The following NUFIP2 variants were observed in gnomAD, a reference collection of about 807,000 sequenced individuals.
NUFIP2 encodes the protein nuclear FMR1 interacting protein 2.
In NUFIP2, 6 loss-of-function variants were observed where a neutral mutation model predicts 56.9. That is an observed-to-expected ratio of 0.11 (90% CI 0.06 to 0.21). NUFIP2 has a LOEUF of 0.21. Among genes scored for constraint, NUFIP2 ranks in the 10% least tolerant of loss-of-function variants. NUFIP2 has a pLI of 1.00. For synonymous variants in NUFIP2, 321 were observed against 298.2 expected, an observed-to-expected ratio of 1.08 and a Z score of -0.79; for missense variants, 828 against 826.8, an observed-to-expected ratio of 1.00 and a Z score of -0.02.
chr17:29,270,324 GA>G lies in NUFIP2; in HGVS notation c.2003-2795del, dbSNP rs386385865. 5.4e-3 allele frequency among the ~76,000 whole-genome samples: 439 copies of G among 81,382 alleles called. 1 individual carries two copies. The highest frequency in any genetic ancestry group is 0.029 in the Middle Eastern group (4 of 138). The allele number at this position is 81,382 out of a possible 152,430, so 53.4% of individuals were successfully genotyped here. A position where few individuals can be genotyped will look rare whatever the true frequency, so the allele number is the denominator to read the frequency against. On this transcript the variant is annotated intron_variant, in intron 2 of 3. Transcript: ENST00000225388. ...AGAACTATAATCAATCTAACCTGGA[GA>G]AAAAAAAAAAAAAAAAGATGACGAT...
Position 29,259,171 on chromosome 17 carries a change from T to C in NUFIP2, c.*5368A>G, listed in dbSNP as rs1201129606. On this transcript the variant is annotated 3_prime_UTR_variant, in exon 4 of 4. Transcript: ENST00000225388. The stretch of plus-strand genomic sequence containing the variant: ...GGAAAAAAGGGTACATGGAAAGCTA[T>C]GTAATTTGCCCTCAAGTTAATTTGT... The C allele has an allele frequency of 6.6e-6, 1 of 152,212 alleles. No homozygotes were observed. Among genetic ancestry groups the C allele is most frequent in the Non-Finnish European group, 1.5e-5 (1 of 68,040 alleles). The allele number at this position is 152,212 out of a possible 1,614,324, so 9.4% of individuals were successfully genotyped here. A position where few individuals can be genotyped will look rare whatever the true frequency, so the allele number is the denominator to read the frequency against.
Position 29,260,493 on chromosome 17 carries a change from C to T in NUFIP2, c.*4046G>A, listed in dbSNP as rs976503842. 3 of 152,128 alleles carry T rather than the reference C, an allele frequency of 2.0e-5. No homozygotes were observed. Among genetic ancestry groups the T allele is most frequent in the Admixed American group, 6.5e-5 (1 of 15,274 alleles). The allele number at this position is 152,128 out of a possible 1,614,324, so 9.4% of individuals were successfully genotyped here. A position where few individuals can be genotyped will look rare whatever the true frequency, so the allele number is the denominator to read the frequency against. On this transcript the variant is annotated 3_prime_UTR_variant, in exon 4 of 4. Transcript: ENST00000225388. ...AGAGCCTTGTAGGAATGACTCCGTC[C>T]TTATTTACAGTGGAATTAAAATTGA...
intron 2 of NUFIP2, among the ~76,000 whole-genome samples, chr17:29,273,240 T>A (rs1445561260): frequency 6.6e-6 from 1 of 152,112 alleles, no homozygotes; most frequent in East Asian, 1.9e-4. Flanking sequence ...GGTTTCACCA[T>A]ACTGGCCAGG....
chr17:29,264,641 G>A, intron 3 of NUFIP2, 50 bp from the exon 4 acceptor site: 2 of 1,169,132 alleles, frequency 1.7e-6, no homozygotes, highest in Non-Finnish European at 2.6e-6. Flanking sequence ...ATCTCAAAAT[G>A]CCCGTATTCC....
intron 2 of NUFIP2, among the ~76,000 whole-genome samples, chr17:29,269,501 C>A (rs1382990865): frequency 2.0e-5 from 3 of 151,828 alleles, no homozygotes; most frequent in Non-Finnish European, 4.4e-5. Context: ...CTGTAAAAAC[C>A]AAATTTTTTT....
At chr17:29,284,630 C>T (rs572706304) in intron 2 of NUFIP2, among the ~76,000 whole-genome samples, 4 of 132,702 alleles carry the variant, frequency 3.0e-5, no homozygotes, top group East Asian at 2.4e-4. Flanking sequence ...CACTTGAACC[C>T]GGGAGGCGGA....
intron 1 of NUFIP2, among the ~76,000 whole-genome samples, chr17:29,293,556 G>A (rs2069231734): frequency 6.6e-6 from 1 of 152,180 alleles, no homozygotes; most frequent in African/African-American, 2.4e-5. Flanking sequence ...GGGCCAGGAA[G>A]GTCACGCTGG....
rs574182574 is a variant in NUFIP2 at position 29,294,082 on chromosome 17, G to A, written c.-23C>T. 48 of 1,575,326 alleles carry A rather than the reference G, an allele frequency of 3.0e-5. No individual in the cohort carries two copies. In the South Asian group the frequency reaches 3.9e-4, roughly 13 times the overall value. On this transcript the variant is annotated 5_prime_UTR_variant, in exon 1 of 4. Transcript: ENST00000225388. ...CATTGAAAGCGGCTGGGACTCCCTG[G>A]CTGAGGCTGCGGGCTGCTGCACCGT...
At chr17:29,273,620 C>T (rs542559417) in intron 2 of NUFIP2, among the ~76,000 whole-genome samples, 1 of 152,196 alleles carries the variant, frequency 6.6e-6, no homozygotes, top group Admixed American at 6.5e-5. Flanking sequence ...GCTCACAGGG[C>T]CAGACCTAAT....
At chr17:29,285,230 G>A (rs1176293615) in intron 2 of NUFIP2, among the ~76,000 whole-genome samples, 1 of 151,956 alleles carries the variant, frequency 6.6e-6, no homozygotes, top group Non-Finnish European at 1.5e-5. Context: ...AACCCAAGAG[G>A]CGGAGGTTGC....
At chr17:29,274,210 G>A (rs1444864360) in intron 2 of NUFIP2, among the ~76,000 whole-genome samples, 1 of 152,230 alleles carries the variant, frequency 6.6e-6, no homozygotes. Context: ...ATGAGGGCCT[G>A]TGGTGGTTCA....
At chr17:29,284,216 GCATGGAGCATA>G (rs1217980698) in intron 2 of NUFIP2, among the ~76,000 whole-genome samples, 4 of 152,212 alleles carry the variant, frequency 2.6e-5, no homozygotes, top group Admixed American at 2.6e-4. Flanking sequence ...GTACATGCAT[GCATGGAGCATA>G]CATTTCTGTT....
In NUFIP2 at chr17:29,258,396, T is replaced by C. The variant is rs1399077954; in HGVS notation, c.*6143A>G. On this transcript the variant is annotated 3_prime_UTR_variant, in exon 4 of 4. Transcript: ENST00000225388. Reference sequence around the variant, plus strand: ...GAGTTTTGATTGATTTGATTTAAACTAAATCTGATTGGTTCAGGGCAGCAC... The same window carrying C: ...GAGTTTTGATTGATTTGATTTAAACCAAATCTGATTGGTTCAGGGCAGCAC... 2.6e-5 allele frequency: 4 copies of C among 152,184 alleles called. No homozygotes were observed. The highest frequency in any genetic ancestry group is 5.9e-5 in the Non-Finnish European group (4 of 68,026). The allele number at this position is 152,184 out of a possible 1,614,324, so 9.4% of individuals were successfully genotyped here. A position where few individuals can be genotyped will look rare whatever the true frequency, so the allele number is the denominator to read the frequency against.
In NUFIP2 at chr17:29,257,350, T is replaced by C. The variant is rs924521055; in HGVS notation, c.*7189A>G. 5.9e-5 allele frequency: 9 copies of C among 152,274 alleles called. No individual in the cohort carries two copies. Among genetic ancestry groups the C allele is most frequent in the Middle Eastern group, 3.4e-3 (1 of 294 alleles). The allele number at this position is 152,274 out of a possible 1,614,324, so 9.4% of individuals were successfully genotyped here. A position where few individuals can be genotyped will look rare whatever the true frequency, so the allele number is the denominator to read the frequency against. ...ACACACAAATTAAACTTTCAAAACA[T>C]GTGCATAGCTTTATTCATCTACTTA... On this transcript the variant is annotated 3_prime_UTR_variant, in exon 4 of 4. Transcript: ENST00000225388.
intron 2 of NUFIP2, among the ~76,000 whole-genome samples, chr17:29,273,912 T>A (rs2069091649): frequency 1.3e-5 from 2 of 152,006 alleles, no homozygotes; most frequent in Non-Finnish European, 2.9e-5. Context: ...AATGTCCAGT[T>A]TTCCACAAGT....
In NUFIP2 at chr17:29,286,886, T is replaced by C. The variant is rs747310757; in HGVS notation, c.1108A>G (p.Ile370Val). 1.6e-5 allele frequency: 26 copies of C among 1,614,074 alleles called. 1 individual carries two copies. Among genetic ancestry groups the C allele is most frequent in the South Asian group, 1.4e-4 (13 of 91,088 alleles). ...GTTGGTGACACAGAAGAGTTCTGTA[T>C]AGTTTTGTTGAGGTTTTCCTTAACT... ...SKVKENLNKTIQNSSVSPTSS... is the reference protein window; with the variant it reads ...SKVKENLNKTVQNSSVSPTSS... Residue 370 changes from isoleucine to valine, a missense_variant, in exon 2 of 4, where the codon ATA becomes GTA. Physicochemically the swap from Ile to Val is conservative, Grantham distance 29 (BLOSUM62 3). Around this residue, in one of 3 missense-constraint regions of NUFIP2, gnomAD observed 404 missense variants for 380.3 expected, o/e 1.06. Coordinates refer to ENST00000225388, the MANE Select transcript of NUFIP2 (RefSeq NM_020772.3).
At chr17:29,280,754 G>C (rs1018476194) in intron 2 of NUFIP2, among the ~76,000 whole-genome samples, 2 of 152,164 alleles carry the variant, frequency 1.3e-5, no homozygotes, top group South Asian at 4.1e-4. Context: ...CGGAGGCGGA[G>C]GTGGGCGGAG....
chr17:29,285,882 C>G lies in NUFIP2; in HGVS notation c.2002+110G>C, dbSNP rs1051117510. 7.2e-6 allele frequency: 6 copies of G among 831,510 alleles called. No homozygotes were observed. The African/African-American group carries it at 1.0e-4, about 14-fold the overall frequency. The allele number at this position is 831,510 out of a possible 1,614,324, so 51.5% of individuals were successfully genotyped here. On this transcript the variant is annotated intron_variant, in intron 2 of 3. Coordinates refer to ENST00000225388, the MANE Select transcript of NUFIP2 (RefSeq NM_020772.3). ...CCAGCTGCTTATCCACATTGTCATT[C>G]TCTTAAAATACTCTTAATATGAACA...
intron 1 of NUFIP2, among the ~76,000 whole-genome samples, chr17:29,291,080 A>T (rs1050104347): frequency 6.6e-6 from 1 of 151,892 alleles, no homozygotes; most frequent in South Asian, 2.1e-4. Context: ...TTAACTACAT[A>T]AAGTTTTTCT....
Sources: gnomAD v4.1 joint callset for allele counts (sites outside exome capture counted in the v4.1 genomes callset) on GRCh38, gnomAD v4.1.1 for gene constraint, gnomAD v4.1.1 regional missense constraint, MANE v1.5 for transcripts, NCBI Gene and HGNC (gene_info 2026-07-23, HGNC 2026-07-21) for gene names.